DISP2: variants seen among roughly 807,000 people sequenced by gnomAD.
The protein encoded by DISP2 is dispatched RND transporter family member 2.
DISP2 carries 59 observed loss-of-function variants against 95.5 expected under a neutral mutation model. That is an observed-to-expected ratio of 0.62 (90% confidence interval 0.50 to 0.77). The LOEUF is 0.77. Among genes scored for constraint, DISP2 ranks in the 30% least tolerant of loss-of-function variants. The pLI is 0.00. For synonymous variants in DISP2, 827 were observed against 815.0 expected, an observed-to-expected ratio of 1.01 and a Z score of -0.25; for missense variants, 1,752 against 1,854.6, an observed-to-expected ratio of 0.94 and a Z score of 1.02.
chr15:40,365,790 A>T, intron 7 of DISP2, 65 bp downstream of exon 7: 1 of 1,514,578 alleles, frequency 6.6e-7, no homozygotes, highest in Non-Finnish European at 9.1e-7. Context: ...ACTGATCCCA[A>T]GGAAATACAG....
rs775703716 is a variant in DISP2, at chr15:40,369,527, C to T, written c.3415C>T (p.Pro1139Ser). Residue 1139 changes from proline to serine, a missense_variant, in exon 8 of 8, where the codon CCT (proline) becomes TCT (serine). Physicochemically the swap from Pro to Ser is moderately conservative, Grantham distance 74. This residue lies in a region of DISP2 where 347 missense variants were observed against 344.2 expected (regional missense o/e 1.01). Coordinates refer to ENST00000267889, the MANE Select transcript of DISP2 (RefSeq NM_033510.3). ...HLPWDAGTGDPGGEKAGRPRP... is the reference protein window; with the variant it reads ...HLPWDAGTGDSGGEKAGRPRP... ...GCCATGGGATGCTGGTACTGGGGAC[C>T]CTGGTGGGGAGAAGGCAGGCCGCCC... The T allele has an allele frequency of 1.2e-6, 2 of 1,612,852 alleles. No individual in the cohort carries two copies. Among genetic ancestry groups the T allele is most frequent in the South Asian group, 1.1e-5 (1 of 91,082 alleles).
At position 40,370,304 on chromosome 15, in the gene DISP2, G is replaced by A; in HGVS notation, c.4192G>A (p.Gly1398Ser). 1.3e-6 allele frequency: 2 copies of A among 1,532,416 alleles called. No homozygotes were observed. Among genetic ancestry groups the A allele is most frequent in the Non-Finnish European group, 1.8e-6 (2 of 1,139,196 alleles). The allele number at this position is 1,532,416 out of a possible 1,614,324, so 94.9% of individuals were successfully genotyped here. The change falls in exon 8 of 8, where the codon GGC becomes AGC. Residue 1398 changes from glycine to serine, a missense_variant. This residue lies in a region of DISP2 where 347 missense variants were observed against 344.2 expected (regional missense o/e 1.01). Transcript: ENST00000267889. Reference sequence around the variant, plus strand: ...GCGCAGGCCCAGCACTCACACGTCAGGCTATAGCAGCTGAGGGGGACCCGG... The same window carrying A: ...GCGCAGGCCCAGCACTCACACGTCAAGCTATAGCAGCTGAGGGGGACCCGG... ...WLRRPSTHTS[G>S]YSS
At position 40,370,161 on chromosome 15, in the gene DISP2, A is replaced by T; in HGVS notation, c.4049A>T (p.Asp1350Val). The change falls in exon 8 of 8, where the codon GAC becomes GTC. Residue 1350 changes from aspartate (D) to valine (V), a missense_variant. Coordinates refer to ENST00000267889, the MANE Select transcript of DISP2 (RefSeq NM_033510.3). ...CTGGCGCTGAGGGAGACAGTGTATG[A>T]CCCATCATTGCCCGCTTCCCATCAC... is the stretch of plus-strand genomic sequence containing the variant. ...LWLALRETVY[D>V]PSLPASHHSS... is the part of the protein sequence containing the mutation. The T allele has an allele frequency of 1.2e-6, 2 of 1,611,970 alleles. No homozygotes were observed. Among genetic ancestry groups the T allele is most frequent in the Non-Finnish European group, 1.7e-6 (2 of 1,179,198 alleles).
chr15:40,366,748 G>C (rs1889502732), intron 7 of DISP2, among the ~76,000 whole-genome samples: 1 of 152,236 alleles, frequency 6.6e-6, no homozygotes, highest in Non-Finnish European at 1.5e-5. Context: ...TCTATCTGTG[G>C]CTGCTACCTC....
In DISP2 at chr15:40,358,232, CCCCGCCGCCG is replaced by C. The variant is rs1566912886; in HGVS notation, c.-88_-79del. 341 of 881,856 alleles carry C rather than the reference CCCCGCCGCCG, an allele frequency of 3.9e-4. 11 individuals carry two copies. The highest frequency in any genetic ancestry group is 4.4e-4 in the Non-Finnish European group (315 of 707,992). The allele number at this position is 881,856 out of a possible 1,614,324, so 54.6% of individuals were successfully genotyped here. ...CAGAGCCTACGCATGCGCACGAGCACCCCGCCGCCGCTGCCGCCGCCACCGCCGCCGCCGC... is the reference window on the plus strand; with the variant it reads ...CAGAGCCTACGCATGCGCACGAGCACCTGCCGCCGCCACCGCCGCCGCCGC... On this transcript the variant is annotated 5_prime_UTR_variant, in exon 1 of 8. Transcript: ENST00000267889.
rs374870102 is a variant in DISP2 at position 40,368,846 on chromosome 15, C to T, written c.2734C>T (p.Arg912Trp). The change falls in exon 8 of 8, where the codon CGG becomes TGG. Residue 912 changes from arginine (R) to tryptophan (W), a missense_variant. Arg to Trp is a moderately radical substitution (Grantham distance 101, BLOSUM62 -3). Coordinates refer to ENST00000267889, the MANE Select transcript of DISP2 (RefSeq NM_033510.3). ...GGTCCTACAATTCCAGACCAACTTC[C>T]GGAACAGTCCGGACTACAACCAGAC... is the stretch of plus-strand genomic sequence containing the variant. ...ALVLQFQTNF[R>W]NSPDYNQTQL... is the part of the protein sequence containing the mutation. 7 of 1,613,910 alleles carry T rather than the reference C, an allele frequency of 4.3e-6. No homozygotes were observed. The highest frequency in any genetic ancestry group is 4.0e-5 in the African/African-American group (3 of 74,954).
chr15:40,362,938 T>C (rs1889427736), intron 1 of DISP2, among the ~76,000 whole-genome samples: 1 of 152,220 alleles, frequency 6.6e-6, no homozygotes. Context: ...TACCAGCTCT[T>C]CATCTGTCAC....
Position 40,369,728 on chromosome 15 carries a change from C to T in DISP2, c.3616C>T (p.Arg1206Trp), listed in dbSNP as rs1353115233. ...LQLHDGPCCSRPPPAPASPRE... is the reference protein window; with the variant it reads ...LQLHDGPCCSWPPPAPASPRE... ...GCTCCATGATGGTCCGTGCTGTTCC[C>T]GGCCCCCACCAGCCCCTGCCTCCCC... Residue 1206 changes from arginine (R) to tryptophan (W), a missense_variant, in exon 8 of 8, where the codon CGG (arginine) becomes TGG (tryptophan). Arg to Trp is a moderately radical substitution (Grantham distance 101). Coordinates refer to ENST00000267889, the MANE Select transcript of DISP2 (RefSeq NM_033510.3). The T allele has an allele frequency of 2.4e-5, 38 of 1,610,156 alleles. No homozygotes were observed. Among genetic ancestry groups the T allele is most frequent in the Admixed American group, 5.0e-5 (3 of 60,022 alleles).
Position 40,368,521 on chromosome 15 carries a change from C to T in DISP2, c.2409C>T (p.Ala803=), listed in dbSNP as rs1285277647. ...TGGTGAGGGACCCTGCCTTCTCGGC[C>T]AGCGGCCCTGAGGCCCAGCGCTGGC... ...SSLVRDPAFS[A]SGPEAQRWLL... is the part of the protein sequence containing the mutation. Residue 803 remains alanine, a synonymous_variant, in exon 8 of 8, where the codon GCC becomes GCT. Coordinates refer to ENST00000267889, the MANE Select transcript of DISP2 (RefSeq NM_033510.3). The T allele has an allele frequency of 1.9e-6, 3 of 1,605,954 alleles. No individual in the cohort carries two copies. The highest frequency in any genetic ancestry group is 3.3e-5 in the Admixed American group (2 of 60,000).
At position 40,370,652 on chromosome 15, in the gene DISP2, G is replaced by GC. The variant is rs1399688408; in HGVS notation, c.*339dup. ...TCGGGTATCAGAGGAGGCTGACCTG[G>GC]CCCCCATCCCAAGTTACAAGAACTT... On this transcript the variant is annotated 3_prime_UTR_variant, in exon 8 of 8. Coordinates refer to ENST00000267889, the MANE Select transcript of DISP2 (RefSeq NM_033510.3). 3.7e-6 allele frequency: 2 copies of GC among 535,390 alleles called. No homozygotes were observed. The highest frequency in any genetic ancestry group is 3.8e-5 in the African/African-American group (2 of 53,064). The allele number at this position is 535,390 out of a possible 1,614,324, so 33.2% of individuals were successfully genotyped here.
chr15:40,365,799 A>G, intron 7 of DISP2, 74 bp downstream of exon 7: 1 of 1,466,574 alleles, frequency 6.8e-7, no homozygotes, highest in Middle Eastern at 2.0e-4. Flanking sequence ...AAGGAAATAC[A>G]GCTGAGCCAG....
At position 40,374,517 on chromosome 15, in the gene DISP2, T is replaced by G. The variant is rs567929986; in HGVS notation, c.*4199T>G. ...CCAACTCATTCTGTCCTTCTCCCAG[T>G]GCATGTCAGGACAGGGAAGAAGGCT... On this transcript the variant is annotated 3_prime_UTR_variant, in exon 8 of 8. Coordinates refer to ENST00000267889, the MANE Select transcript of DISP2 (RefSeq NM_033510.3). 6.8e-6 allele frequency: 1 copy of G among 147,844 alleles called. No homozygotes were observed. Among genetic ancestry groups the G allele is most frequent in the South Asian group, 2.2e-4 (1 of 4,496 alleles). The allele number at this position is 147,844 out of a possible 1,614,324, so 9.2% of individuals were successfully genotyped here.
chr15:40,358,381 G>A lies in DISP2; in HGVS notation c.60G>A (p.Pro20=). The change falls in exon 1 of 8, where the codon CCG becomes CCA. Residue 20 remains proline (P), a synonymous_variant. Coordinates refer to ENST00000267889, the MANE Select transcript of DISP2 (RefSeq NM_033510.3). Reference sequence around the variant, plus strand: ...GCGGTCCGGCTCCCGGCCCGGGTCCGGAAGGGGAGCAACGGCCCGAGGGGG... The same window carrying A: ...GCGGTCCGGCTCCCGGCCCGGGTCCAGAAGGGGAGCAACGGCCCGAGGGGG... ...GGSGPAPGPG[P]EGEQRPEGEP... 7.3e-7 allele frequency: 1 copy of A among 1,366,842 alleles called. No individual in the cohort carries two copies. The highest frequency in any genetic ancestry group is 9.4e-7 in the Non-Finnish European group (1 of 1,060,472). 84.7% of individuals were successfully genotyped at this position (1,366,842 alleles called of 1,614,324 possible).
Position 40,364,515 on chromosome 15 carries a change from C to T in DISP2, c.574C>T (p.Arg192Trp), listed in dbSNP as rs532623947. 1.9e-6 allele frequency: 3 copies of T among 1,613,910 alleles called. No homozygotes were observed. The highest frequency in any genetic ancestry group is 1.3e-5 in the African/African-American group (1 of 75,064). Residue 192 changes from arginine to tryptophan, a missense_variant, in exon 4 of 8, where the codon CGG becomes TGG. Transcript: ENST00000267889. ...LCTLAGLLGA[R>W]LPDFSKPLLG... The stretch of plus-strand genomic sequence containing the variant: ...CACCCTGGCTGGACTGTTGGGGGCC[C>T]GGCTGCCCGACTTCTCCAAGCCTTT...
Position 40,369,846 on chromosome 15 carries a change from A to G in DISP2, c.3734A>G (p.Lys1245Arg), listed in dbSNP as rs1345209918. The change falls in exon 8 of 8, where the codon AAA (lysine) becomes AGA (arginine). Residue 1245 changes from lysine (K) to arginine (R), a missense_variant. Physicochemically the swap from Lys to Arg is conservative, Grantham distance 26. Coordinates refer to ENST00000267889, the MANE Select transcript of DISP2 (RefSeq NM_033510.3). Reference sequence around the variant, plus strand: ...TATAAGCAGGCTGGCCCCAGCCCCAAAACCCGGGCCAGGCAGGACTCCCAA... The same window carrying G: ...TATAAGCAGGCTGGCCCCAGCCCCAGAACCCGGGCCAGGCAGGACTCCCAA... The part of the protein sequence containing the change: ...SPYKQAGPSP[K>R]TRARQDSQGE... 6.4e-7 allele frequency: 1 copy of G among 1,572,690 alleles called. No individual in the cohort carries two copies. Among genetic ancestry groups the G allele is most frequent in the East Asian group, 2.3e-5 (1 of 44,360 alleles).
Position 40,369,571 on chromosome 15 carries a change from A to T in DISP2, c.3459A>T (p.Gly1153=). 3 of 1,612,154 alleles carry T rather than the reference A, an allele frequency of 1.9e-6. No individual in the cohort carries two copies. Among genetic ancestry groups the T allele is most frequent in the Non-Finnish European group, 2.5e-6 (3 of 1,179,990 alleles). The change falls in exon 8 of 8, where the codon GGA becomes GGT. Residue 1153 remains glycine (G), a synonymous_variant. Transcript: ENST00000267889. ...KAGRPRPGSV[G]GMPGSCSEQY... ...GCCGCCCACGACCAGGGTCAGTGGGAGGGATGCCCGGGTCCTGCTCAGAGC... is the reference window on the plus strand; with the variant it reads ...GCCGCCCACGACCAGGGTCAGTGGGTGGGATGCCCGGGTCCTGCTCAGAGC...
Position 40,371,973 on chromosome 15 carries a change from GAGGA to G in DISP2, c.*1657_*1660del, listed in dbSNP as rs1889653861. Reference sequence around the variant, plus strand: ...GGGTAACAAGAAAGGCTTTCTGGAGGAGGAAAAACTTGAGCTGGGCTTCAGAAGA... The same window carrying G: ...GGGTAACAAGAAAGGCTTTCTGGAGGAAAACTTGAGCTGGGCTTCAGAAGA... On this transcript the variant is annotated 3_prime_UTR_variant, in exon 8 of 8. Coordinates refer to ENST00000267889, the MANE Select transcript of DISP2 (RefSeq NM_033510.3). 6.6e-6 allele frequency: 1 copy of G among 152,188 alleles called. No homozygotes were observed. The highest frequency in any genetic ancestry group is 2.4e-5 in the African/African-American group (1 of 41,444). 9.4% of individuals were successfully genotyped at this position (152,188 alleles called of 1,614,324 possible). A position where few individuals can be genotyped will look rare whatever the true frequency, so the allele number is the denominator to read the frequency against.
rs202117662 is a variant in DISP2, at chr15:40,377,329, AAT to A, written c.*7012_*7013del. ...ACAGAGTCTCAAAAAAAAAAAAAAA[AAT>A]TTTTGACTGAAAGTACAGATACAAC... On this transcript the variant is annotated 3_prime_UTR_variant, in exon 8 of 8. Coordinates refer to ENST00000267889, the MANE Select transcript of DISP2 (RefSeq NM_033510.3). The A allele has an allele frequency of 0.013, 2,024 of 150,730 alleles. 51 individuals are homozygous for A. Among genetic ancestry groups the A allele is most frequent in the African/African-American group, 0.046 (1,892 of 41,102 alleles). The allele number at this position is 150,730 out of a possible 1,614,324, so 9.3% of individuals were successfully genotyped here. A position where few individuals can be genotyped will look rare whatever the true frequency, so the allele number is the denominator to read the frequency against.
At position 40,368,700 on chromosome 15, in the gene DISP2, A is replaced by T; in HGVS notation, c.2588A>T (p.Asp863Val). 1 of 1,612,990 alleles carries T rather than the reference A, an allele frequency of 6.2e-7. No homozygotes were observed. The highest frequency in any genetic ancestry group is 8.5e-7 in the Non-Finnish European group (1 of 1,179,994). Residue 863 changes from aspartate (D) to valine (V), a missense_variant, in exon 8 of 8, where the codon GAC (aspartate) becomes GTC (valine). This residue lies in a region of DISP2 where 317 missense variants were observed against 394.9 expected (regional missense o/e 0.80). Coordinates refer to ENST00000267889, the MANE Select transcript of DISP2 (RefSeq NM_033510.3). ...CCTGACCTCTGCTGCGGCCACTCGG[A>T]CTTCCCCTGGGCCCCCCAGTTTTTC... ...LGPDLCCGHSDFPWAPQFFLH... is the reference protein window; with the variant it reads ...LGPDLCCGHSVFPWAPQFFLH...
Sources: gnomAD v4.1 joint callset for allele counts (sites outside exome capture counted in the v4.1 genomes callset) on GRCh38, gnomAD v4.1.1 for gene constraint, gnomAD v4.1.1 regional missense constraint, MANE v1.5 for transcripts, NCBI Gene and HGNC (gene_info 2026-07-23, HGNC 2026-07-21) for gene names.